PPP1CB: variants seen among roughly 807,000 people sequenced by gnomAD.
PPP1CB encodes serine/threonine-protein phosphatase PP1-beta catalytic subunit.
PPP1CB carries 2 observed loss-of-function variants against 43.7 expected under a neutral mutation model. That is an observed-to-expected ratio of 0.05 (90% CI 0.02 to 0.14). The LOEUF is 0.14. Among genes scored for constraint, PPP1CB ranks in the 10% least tolerant of loss-of-function variants. PPP1CB has a pLI of 1.00. For synonymous variants in PPP1CB, 136 were observed against 135.6 expected, an observed-to-expected ratio of 1.00 and a Z score of -0.02; for missense variants, 84 against 398.0, an observed-to-expected ratio of 0.21 and a Z score of 6.71.
chr2:28,753,032 A>G (rs115425378), intron 1 of PPP1CB, among the ~76,000 whole-genome samples: 2,059 of 152,262 alleles, frequency 0.014, 53 homozygotes, highest in African/African-American at 0.047. Flanking sequence ...TGGGAAGGCA[A>G]GGGGGGAAAA....
chr2:28,769,127 G>C (rs375182670), intron 1 of PPP1CB, among the ~76,000 whole-genome samples: 4 of 152,154 alleles, frequency 2.6e-5, no homozygotes, highest in African/African-American at 9.7e-5. Context: ...TATCTTCAGG[G>C]AACAATAATA....
chr2:28,779,657 T>C (rs899886107), intron 3 of PPP1CB, among the ~76,000 whole-genome samples: 2 of 152,238 alleles, frequency 1.3e-5, no homozygotes, highest in Non-Finnish European at 2.9e-5. Context: ...GAGTAAGTAT[T>C]TATTTGGTTA....
chr2:28,758,392 G>A (rs559235465), intron 1 of PPP1CB, among the ~76,000 whole-genome samples: 9 of 152,264 alleles, frequency 5.9e-5, no homozygotes, highest in African/African-American at 1.9e-4. Context: ...GGTTATTCTC[G>A]AATGTTGGTG....
intron 1 of PPP1CB, among the ~76,000 whole-genome samples, chr2:28,767,680 GATAA>G (rs1258045841): frequency 7.2e-5 from 11 of 152,202 alleles, no homozygotes; most frequent in African/African-American, 2.4e-4. Context: ...TGTGTCCAGT[GATAA>G]ATAAGTGGCT....
At chr2:28,767,938 C>A (rs1666817610) in intron 1 of PPP1CB, among the ~76,000 whole-genome samples, 1 of 152,150 alleles carries the variant, frequency 6.6e-6, no homozygotes, top group African/African-American at 2.4e-5. Flanking sequence ...GATAACCTTA[C>A]TGGAAGTCAG....
chr2:28,778,195 A>C (rs1222270012), intron 2 of PPP1CB, among the ~76,000 whole-genome samples: 1 of 152,254 alleles, frequency 6.6e-6, no homozygotes, highest in African/African-American at 2.4e-5. Context: ...CTAAAGGTTT[A>C]CTATTTGTCT....
At chr2:28,786,357 G>A (rs540066101) in intron 5 of PPP1CB, among the ~76,000 whole-genome samples, 4 of 151,956 alleles carry the variant, frequency 2.6e-5, no homozygotes, top group African/African-American at 4.8e-5. Context: ...CTGGTGATCC[G>A]CCCACCTCGG....
chr2:28,752,357 C>T (rs986618342), intron 1 of PPP1CB, among the ~76,000 whole-genome samples, 181 bp downstream of exon 1: 5 of 152,116 alleles, frequency 3.3e-5, no homozygotes, highest in Admixed American at 2.6e-4. Flanking sequence ...GGGGAGCGGC[C>T]TCTGGGAGCG....
chr2:28,796,678 G>A (rs186707238), intron 7 of PPP1CB, among the ~76,000 whole-genome samples: 61 of 152,142 alleles, frequency 4.0e-4, no homozygotes, highest in African/African-American at 8.7e-4. Flanking sequence ...ACGTTTTGGC[G>A]GAGTCTATGG....
At chr2:28,777,890 G>T (rs552464424) in intron 2 of PPP1CB, among the ~76,000 whole-genome samples, 20 of 152,284 alleles carry the variant, frequency 1.3e-4, no homozygotes, top group African/African-American at 4.6e-4. Flanking sequence ...CTGACCTCAG[G>T]TGATCCACCT....
At chr2:28,782,995 G>A (rs1475865033) in intron 4 of PPP1CB, 1 of 152,228 alleles carries the variant, frequency 6.6e-6, no homozygotes, top group African/African-American at 2.4e-5. Context: ...AAGTGTAGCA[G>A]TATGGATACG....
intron 1 of PPP1CB, among the ~76,000 whole-genome samples, chr2:28,775,038 C>T (rs1667003963): frequency 6.6e-6 from 1 of 151,568 alleles, no homozygotes; most frequent in South Asian, 2.1e-4. Context: ...CATGTGGAGG[C>T]CTTTTTTTTT....
chr2:28,754,269 T>A (rs1394826701), intron 1 of PPP1CB, among the ~76,000 whole-genome samples: 1 of 147,976 alleles, frequency 6.8e-6, no homozygotes, highest in Non-Finnish European at 1.5e-5. Context: ...GGGGGAAAAA[T>A]AAGTGATTCC....
In PPP1CB at chr2:28,769,661, TTAAAA is replaced by T. The variant is rs755791537; in HGVS notation, c.53-7186_53-7182del. ...GTGAGTAAATACAAATTCTGACTGT[TTAAAA>T]TAATAGTTGTGGCTTGTGGGATTTA... On this transcript the variant is annotated intron_variant, in intron 1 of 7. Transcript: ENST00000395366. Among the ~76,000 whole-genome samples, 5 of 152,254 alleles carry T rather than the reference TTAAAA, an allele frequency of 3.3e-5. No homozygotes were observed. The South Asian group carries it at 6.2e-4, about 19-fold the overall frequency.
At chr2:28,753,540 C>G (rs1287706329) in intron 1 of PPP1CB, among the ~76,000 whole-genome samples, 1 of 152,108 alleles carries the variant, frequency 6.6e-6, no homozygotes, top group Non-Finnish European at 1.5e-5. Flanking sequence ...TCCTGGGAGG[C>G]CCCCTGGTGC....
intron 7 of PPP1CB, among the ~76,000 whole-genome samples, chr2:28,797,230 CT>C (rs1667514195): frequency 6.6e-6 from 1 of 151,972 alleles, no homozygotes; most frequent in East Asian, 1.9e-4. Context: ...CTGAGGTTTT[CT>C]TTTTTCCTTG....
At position 28,778,649 on chromosome 2, in the gene PPP1CB, C is replaced by T. The variant is rs115804757; in HGVS notation, c.185-160C>T. On this transcript the variant is annotated intron_variant, in intron 2 of 7. Coordinates refer to ENST00000395366, the MANE Select transcript of PPP1CB (RefSeq NM_002709.3). ...TTTTGTAACTTAATCTTGGAAGTGA[C>T]AGCCCATCTCACTTTCGCTTATTAG... The T allele has an allele frequency of 0.027, 15,872 of 592,406 alleles. 308 individuals carry two copies. The highest frequency in any genetic ancestry group is 0.033 in the Non-Finnish European group (10,992 of 330,614). 36.7% of individuals were successfully genotyped at this position (592,406 alleles called of 1,614,324 possible).
chr2:28,769,155 A>G (rs998357115), intron 1 of PPP1CB, among the ~76,000 whole-genome samples: 12 of 152,242 alleles, frequency 7.9e-5, no homozygotes, highest in African/African-American at 2.4e-4. Flanking sequence ...TGGCTGATCT[A>G]TCACCTGAAA....
At chr2:28,795,456 T>G (rs2148061568) in intron 7 of PPP1CB, among the ~76,000 whole-genome samples, 1 of 152,358 alleles carries the variant, frequency 6.6e-6, no homozygotes, top group African/African-American at 2.4e-5. Context: ...TGAACATTCC[T>G]TTTTCTCCAC....
Sources: allele counts gnomAD v4.1 joint callset (sites outside exome capture counted in the v4.1 genomes callset), GRCh38; gene constraint gnomAD v4.1.1; transcripts MANE v1.5; gene names NCBI Gene and HGNC (gene_info 2026-07-23, HGNC 2026-07-21).